Variants in KIAA1217 observed in about 807,000 individuals in gnomAD.
KIAA1217 encodes the protein sickle tail protein homolog.
A neutral mutation model predicts 163.9 loss-of-function variants in KIAA1217; 88 were observed. The observed-to-expected ratio is 0.54, with a 90% confidence interval of 0.45 to 0.64. The LOEUF is 0.64. Ranked by LOEUF, KIAA1217 falls within the 30% of genes least tolerant of loss-of-function variation. The probability of loss-of-function intolerance (pLI) is 0.00; values close to 1 mark genes in which losing one functional copy is unlikely to be tolerated. For synonymous variants in KIAA1217, 903 were observed against 923.1 expected (o/e 0.98, Z 0.39); for missense variants, 2,372 against 2,475.0 (o/e 0.96, Z 0.88).
At chr10:24,379,759 T>C (rs140185389) in intron 2 of KIAA1217, among the ~76,000 whole-genome samples, 1 of 151,666 alleles carries the variant, frequency 6.6e-6, no homozygotes, top group African/African-American at 2.4e-5. Flanking sequence ...TGTTCAAAAA[T>C]CATTAATAAG....
At chr10:23,893,689 AAG>A (rs1400752796) in intron 1 of KIAA1217, among the ~76,000 whole-genome samples, 1 of 152,024 alleles carries the variant, frequency 6.6e-6, no homozygotes, top group East Asian at 1.9e-4. Flanking sequence ...GCAACCAAAA[AAG>A]AGAATTTTAG....
chr10:23,699,633 C>CA (rs1237631287), intron 1 of KIAA1217, among the ~76,000 whole-genome samples: 1 of 151,536 alleles, frequency 6.6e-6, no homozygotes, highest in Non-Finnish European at 1.5e-5. Flanking sequence ...TTTTCTTTTC[C>CA]TTTTTTTTAG....
chr10:24,402,434 G>T (rs1201296637), intron 3 of KIAA1217, among the ~76,000 whole-genome samples: 2 of 151,308 alleles, frequency 1.3e-5, no homozygotes, highest in Non-Finnish European at 2.9e-5. Context: ...GCGTGAACCC[G>T]GGAGGCGGAG....
chr10:24,484,401 T>C (rs2065124820), intron 6 of KIAA1217, among the ~76,000 whole-genome samples: 1 of 151,158 alleles, frequency 6.6e-6, no homozygotes, highest in African/African-American at 2.4e-5. Context: ...CCCACCACAG[T>C]AGCCCAGCTA....
intron 2 of KIAA1217, among the ~76,000 whole-genome samples, chr10:24,069,067 G>A (rs1564662187): frequency 6.6e-6 from 1 of 152,188 alleles, no homozygotes; most frequent in South Asian, 2.1e-4. Flanking sequence ...GGAAAAACTA[G>A]GAGCTGACTT....
intron 2 of KIAA1217, among the ~76,000 whole-genome samples, chr10:24,239,689 G>T (rs923231806): frequency 1.4e-4 from 19 of 137,586 alleles, no homozygotes; most frequent in African/African-American, 4.4e-4. Flanking sequence ...GTGTGTGTGT[G>T]TGTGTGTTTG....
chr10:24,027,822 C>T (rs997418056), intron 2 of KIAA1217, among the ~76,000 whole-genome samples: 3 of 151,992 alleles, frequency 2.0e-5, no homozygotes, highest in African/African-American at 7.2e-5. Flanking sequence ...CTAAATAAGA[C>T]CTATCGCCCA....
chr10:23,818,829 A>G (rs115362397), intron 1 of KIAA1217, among the ~76,000 whole-genome samples: 1,815 of 152,280 alleles, frequency 0.012, 30 homozygotes, highest in African/African-American at 0.042. Flanking sequence ...GACAAATGTC[A>G]TGACCTGGTG....
At position 24,546,167 on chromosome 10, in the gene KIAA1217, C is replaced by T; in HGVS notation, c.5675C>T (p.Ser1892Leu). ...SQNGRAPPPL[S>L]FSSSPPSPAS... ...AATGGCCGAGCACCCCCTCCTTTGT[C>T]ATTTTCCTCCTCCCCTCCTTCTCCT... Residue 1892 changes from serine (S) to leucine (L), a missense_variant, in exon 21 of 21, where the codon TCA becomes TTA. Coordinates refer to ENST00000376454, the MANE Select transcript of KIAA1217 (RefSeq NM_019590.5). The T allele has an allele frequency of 6.2e-7, 1 of 1,614,152 alleles. No homozygotes were observed. The highest frequency in any genetic ancestry group is 8.5e-7 in the Non-Finnish European group (1 of 1,180,024).
At chr10:23,811,543 T>A (rs914562185) in intron 1 of KIAA1217, among the ~76,000 whole-genome samples, 1 of 151,956 alleles carries the variant, frequency 6.6e-6, no homozygotes, top group Non-Finnish European at 1.5e-5. Flanking sequence ...TAGACTTTTT[T>A]AAAAATGCAA....
chr10:24,380,315 A>G (rs1480553206), intron 2 of KIAA1217, among the ~76,000 whole-genome samples: 1 of 152,126 alleles, frequency 6.6e-6, no homozygotes, highest in Non-Finnish European at 1.5e-5. Flanking sequence ...AATGCACCAC[A>G]TAAGTCAAAC....
chr10:24,546,094 A>C lies in KIAA1217; in HGVS notation c.5602A>C (p.Thr1868Pro), dbSNP rs1203979091. The change falls in exon 21 of 21, where the codon ACT becomes CCT. Residue 1868 changes from threonine to proline, a missense_variant. Around this residue, in one of 3 missense-constraint regions of KIAA1217, gnomAD observed 690 missense variants for 677.5 expected, o/e 1.02. Coordinates refer to ENST00000376454, the MANE Select transcript of KIAA1217 (RefSeq NM_019590.5). Reference protein sequence around the residue: ...SNGSLKFQSLTHTGKGHHLSF... With the variant: ...SNGSLKFQSLPHTGKGHHLSF... ...TGGCTCTTTGAAGTTTCAGAGCCTCACTCATACAGGTAAAGGTCACCATCT... is the reference window on the plus strand; with the variant it reads ...TGGCTCTTTGAAGTTTCAGAGCCTCCCTCATACAGGTAAAGGTCACCATCT... 1 of 1,614,068 alleles carries C rather than the reference A, an allele frequency of 6.2e-7. No homozygotes were observed. Among genetic ancestry groups the C allele is most frequent in the East Asian group, 2.2e-5 (1 of 44,880 alleles).
chr10:24,501,651 C>T (rs1426712999), intron 9 of KIAA1217, 106 bp downstream of exon 9: 18 of 918,278 alleles, frequency 2.0e-5, no homozygotes, highest in Non-Finnish European at 2.7e-5. Context: ...ACCATAGAAA[C>T]AGCATGGCTT....
intron 1 of KIAA1217, among the ~76,000 whole-genome samples, chr10:23,774,904 T>C (rs1834945523): frequency 1.3e-5 from 2 of 152,218 alleles, no homozygotes; most frequent in African/African-American, 2.4e-5. Flanking sequence ...GTTTTGATCA[T>C]CATACATGGC....
At chr10:23,749,900 G>T (rs1054582739) in intron 1 of KIAA1217, among the ~76,000 whole-genome samples, 2 of 152,154 alleles carry the variant, frequency 1.3e-5, no homozygotes, top group African/African-American at 4.8e-5. Context: ...AACTCAACCT[G>T]TTAGAAACTA....
chr10:24,140,802 C>T (rs529286745), intron 2 of KIAA1217, among the ~76,000 whole-genome samples: 53 of 152,238 alleles, frequency 3.5e-4, no homozygotes, highest in East Asian at 7.7e-4. Context: ...TGGTTGCGAA[C>T]GTTACCTCTT....
chr10:24,363,655 T>A (rs2050340753), intron 2 of KIAA1217, among the ~76,000 whole-genome samples: 1 of 149,524 alleles, frequency 6.7e-6, no homozygotes, highest in South Asian at 2.2e-4. Flanking sequence ...CACTGCACCC[T>A]CCACCTCCTG....
rs969153433 is a variant in KIAA1217 at position 24,318,287 on chromosome 10, TAGAC to T, written c.355-62569_355-62566del. On this transcript the variant is annotated intron_variant, in intron 2 of 20. Coordinates refer to ENST00000376454, the MANE Select transcript of KIAA1217 (RefSeq NM_019590.5). The stretch of plus-strand genomic sequence containing the variant: ...GTAGGTAGATAGATAGATAGACAGA[TAGAC>T]AGACAGACAGACTGATTGAGTAAAG... 3.3e-5 allele frequency among the ~76,000 whole-genome samples: 5 copies of T among 152,280 alleles called. No individual in the cohort carries two copies. The South Asian group carries it at 6.2e-4, about 19-fold the overall frequency.
chr10:23,895,115 G>A lies in KIAA1217; in HGVS notation c.-320-112110G>A, dbSNP rs1345843801. Among the ~76,000 whole-genome samples, 4 of 152,070 alleles carry A rather than the reference G, an allele frequency of 2.6e-5. No individual in the cohort carries two copies. The East Asian group carries it at 7.8e-4, about 29-fold the overall frequency. On this transcript the variant is annotated intron_variant, in intron 1 of 18. Coordinates refer to the KIAA1217 transcript ENST00000376462. ...TCATGTCTAAAACACCAAAAGCAAT[G>A]GCAACAAAAGACAAAATTGACAAAT...
Sources: allele counts gnomAD v4.1 joint callset (sites outside exome capture counted in the v4.1 genomes callset), GRCh38; gene constraint gnomAD v4.1.1; regional missense constraint gnomAD v4.1.1; transcripts MANE v1.5; gene names NCBI Gene and HGNC (gene_info 2026-07-23, HGNC 2026-07-21).